CDK13: variants seen among roughly 807,000 people sequenced by gnomAD.
The protein encoded by CDK13 is cyclin dependent kinase 13, also known as cyclin-dependent kinase 13.
A neutral mutation model predicts 137.6 loss-of-function variants in CDK13; 40 were observed. That is an observed-to-expected ratio of 0.29 (90% CI 0.23 to 0.38). The LOEUF is 0.38. Ranked by LOEUF, CDK13 falls within the 10% of genes least tolerant of loss-of-function variation. CDK13 has a pLI of 1.00. For synonymous variants in CDK13, 869 were observed against 760.1 expected, an observed-to-expected ratio of 1.14 and a Z score of -2.36; for missense variants, 1,704 against 1,951.8, an observed-to-expected ratio of 0.87 and a Z score of 2.39.
rs1409244282 is a variant in CDK13 at position 40,058,470 on chromosome 7, G to T, written c.2601-4356G>T. On this transcript the variant is annotated intron_variant, in intron 7 of 13. Coordinates refer to ENST00000181839, the MANE Select transcript of CDK13 (RefSeq NM_003718.5). ...AATTGCTTGAATCCAGGAGGCAGAG[G>T]TTGCAGTGAGCCAAGATTGCACCAC... Among the ~76,000 whole-genome samples the T allele has an allele frequency of 5.3e-5, 8 of 151,456 alleles. No individual in the cohort carries two copies. In the South Asian group the frequency reaches 1.7e-3, roughly 32 times the overall value.
intron 1 of CDK13, among the ~76,000 whole-genome samples, chr7:39,956,516 GA>G (rs1759438810): frequency 6.6e-6 from 1 of 152,082 alleles, no homozygotes; most frequent in Non-Finnish European, 1.5e-5. Flanking sequence ...TCTGTATCAG[GA>G]GAGTTTTCTT....
At chr7:40,024,677 T>TC (rs1785205684) in intron 5 of CDK13, among the ~76,000 whole-genome samples, 1 of 81,156 alleles carries the variant, frequency 1.2e-5, no homozygotes, top group Non-Finnish European at 2.5e-5. Context: ...TTTTTTTTTT[T>TC]TCCTGAGACA....
intron 1 of CDK13, among the ~76,000 whole-genome samples, chr7:39,970,466 C>CTT (rs556038389): frequency 1.4e-4 from 10 of 70,346 alleles, no homozygotes; most frequent in African/African-American, 2.7e-4. Context: ...CTGTTGTCAT[C>CTT]TTTTTTTTTT....
chr7:39,997,267 G>A (rs1290098436), intron 2 of CDK13, among the ~76,000 whole-genome samples: 2 of 151,936 alleles, frequency 1.3e-5, no homozygotes, highest in Non-Finnish European at 2.9e-5. Context: ...ACTTTATACA[G>A]ATTTCCTTAG....
rs180785195 is a variant in CDK13, at chr7:40,062,679, C to T, written c.2601-147C>T. ...CATTTTATGATCTTATATTAGATACCTTTGGATGTCTGTATTTTTTAGTAG... is the reference window on the plus strand; with the variant it reads ...CATTTTATGATCTTATATTAGATACTTTTGGATGTCTGTATTTTTTAGTAG... On this transcript the variant is annotated intron_variant, in intron 7 of 13. Transcript: ENST00000181839. 5.0e-5 allele frequency: 34 copies of T among 676,934 alleles called. No homozygotes were observed. In the Admixed American group the frequency reaches 7.6e-4, roughly 15 times the overall value. The allele number at this position is 676,934 out of a possible 1,614,324, so 41.9% of individuals were successfully genotyped here. A position where few individuals can be genotyped will look rare whatever the true frequency, so the allele number is the denominator to read the frequency against.
intron 5 of CDK13, among the ~76,000 whole-genome samples, chr7:40,012,136 C>G (rs975801920): frequency 2.0e-5 from 3 of 152,022 alleles, no homozygotes; most frequent in Non-Finnish European, 4.4e-5. Context: ...CCACCAACAA[C>G]AACAAAAAAA....
intron 5 of CDK13, among the ~76,000 whole-genome samples, chr7:40,024,645 G>GGTTT (rs1785202598): frequency 2.0e-5 from 1 of 50,264 alleles, no homozygotes; most frequent in African/African-American, 8.4e-5. Context: ...GTAGCTCTGT[G>GGTTT]TTTTTTTTTT....
chr7:40,098,761 A>G lies in CDK13; in HGVS notation c.*3781A>G, dbSNP rs1471201283. 1 of 152,148 alleles carries G rather than the reference A, an allele frequency of 6.6e-6. No homozygotes were observed. Among genetic ancestry groups the G allele is most frequent in the African/African-American group, 2.4e-5 (1 of 41,470 alleles). 9.4% of individuals were successfully genotyped at this position (152,148 alleles called of 1,614,324 possible). On this transcript the variant is annotated 3_prime_UTR_variant, in exon 14 of 14. Coordinates refer to ENST00000181839, the MANE Select transcript of CDK13 (RefSeq NM_003718.5). ...TTTTTAATAGGGAAATTGCTTCAAG[A>G]TAACTTGACCAGTGATACGGTAAAA...
chr7:40,093,328 C>T, intron 13 of CDK13, 91 bp downstream of exon 13: 1 of 1,076,108 alleles, frequency 9.3e-7, no homozygotes, highest in South Asian at 1.7e-5. Context: ...AGTTCAGTGA[C>T]ATTGCCAAAA....
chr7:39,996,795 T>A (rs1421267423), intron 2 of CDK13, among the ~76,000 whole-genome samples: 2 of 151,774 alleles, frequency 1.3e-5, no homozygotes, highest in African/African-American at 4.8e-5. Flanking sequence ...AAACCCCGTC[T>A]CTATTAAAAA....
intron 9 of CDK13, among the ~76,000 whole-genome samples, chr7:40,068,136 C>G (rs1368205675): frequency 1.3e-5 from 2 of 150,568 alleles, no homozygotes; most frequent in East Asian, 3.9e-4. Flanking sequence ...TCCAAGAATT[C>G]TAAGGGAGGT....
At chr7:40,061,982 C>T (rs1786158337) in intron 7 of CDK13, 1 of 152,122 alleles carries the variant, frequency 6.6e-6, no homozygotes. Context: ...CAGAGTAGAC[C>T]TCAAGTAGAT....
At chr7:39,959,917 C>A (rs1376591835) in intron 1 of CDK13, among the ~76,000 whole-genome samples, 1 of 146,020 alleles carries the variant, frequency 6.8e-6, no homozygotes, top group Non-Finnish European at 1.5e-5. Context: ...CTTTATGTAA[C>A]GTTTTATTTT....
chr7:40,024,291 T>C (rs1007524077), intron 5 of CDK13, among the ~76,000 whole-genome samples: 1 of 152,204 alleles, frequency 6.6e-6, no homozygotes, highest in Non-Finnish European at 1.5e-5. Flanking sequence ...GAGTCTGCTT[T>C]ATGGATCATT....
intron 1 of CDK13, chr7:39,986,669 C>CT (rs1461695950): frequency 6.6e-6 from 1 of 152,066 alleles, no homozygotes; most frequent in Admixed American, 6.6e-5. Context: ...CTTTTTTACT[C>CT]TCATTCATTT....
At chr7:39,967,307 G>C (rs557473935) in intron 1 of CDK13, among the ~76,000 whole-genome samples, 1 of 152,174 alleles carries the variant, frequency 6.6e-6, no homozygotes, top group East Asian at 1.9e-4. Flanking sequence ...TGTACCTGTA[G>C]TTCCAGATAC....
intron 1 of CDK13, among the ~76,000 whole-genome samples, chr7:39,967,431 C>CA (rs1783896349): frequency 6.7e-6 from 1 of 150,196 alleles, no homozygotes; most frequent in Non-Finnish European, 1.5e-5. Context: ...GACCCTGTCT[C>CA]AAAAACAAAA....
intron 2 of CDK13, among the ~76,000 whole-genome samples, chr7:39,997,221 A>T (rs1784583502): frequency 6.6e-6 from 1 of 152,142 alleles, no homozygotes; most frequent in African/African-American, 2.4e-5. Flanking sequence ...GTTAACAATT[A>T]ATCAATATTG....
intron 9 of CDK13, 133 bp downstream of exon 9, chr7:40,063,233 G>A: frequency 7.5e-6 from 5 of 665,098 alleles, no homozygotes; most frequent in Non-Finnish European, 1.3e-5. Flanking sequence ...CTGCTAAATG[G>A]AGGACAAACT....
Sources: allele counts gnomAD v4.1 joint callset (sites outside exome capture counted in the v4.1 genomes callset), GRCh38; gene constraint gnomAD v4.1.1; transcripts MANE v1.5; gene names NCBI Gene and HGNC (gene_info 2026-07-23, HGNC 2026-07-21).